The following PBX1 variants were observed in gnomAD, a reference collection of about 807,000 sequenced individuals.
PBX1 encodes PBX homeobox 1, also known as pre-B-cell leukemia transcription factor 1.
Under a neutral mutation model 53.4 loss-of-function variants are expected in PBX1, and 6 were observed. The observed-to-expected ratio is 0.11, with a 90% CI of 0.06 to 0.22. The LOEUF (loss-of-function observed/expected upper bound fraction) is 0.22. PBX1 is among the 10% of genes least tolerant of loss of function. PBX1 has a pLI of 1.00. For missense variants in PBX1, 251 were observed against 551.4 expected, an observed-to-expected ratio of 0.46 and a Z score of 5.46; for synonymous variants, 204 against 212.3, an observed-to-expected ratio of 0.96 and a Z score of 0.34.
chr1:164,604,242 A>G (rs1048459083), intron 2 of PBX1, among the ~76,000 whole-genome samples: 7 of 152,176 alleles, frequency 4.6e-5, no homozygotes, highest in African/African-American at 1.7e-4. Flanking sequence ...CGTCCGGCCT[A>G]TCATTTAATT....
At chr1:164,803,340 A>G (rs1558017560) in intron 4 of PBX1, among the ~76,000 whole-genome samples, 1 of 152,238 alleles carries the variant, frequency 6.6e-6, no homozygotes, top group Non-Finnish European at 1.5e-5. Flanking sequence ...GAGAGGGCCT[A>G]AAATACTGAG....
intron 2 of PBX1, among the ~76,000 whole-genome samples, chr1:164,717,704 T>C (rs1664180266): frequency 6.6e-6 from 1 of 152,164 alleles, no homozygotes; most frequent in African/African-American, 2.4e-5. Flanking sequence ...TCATCTAGTC[T>C]TACCTGGAAA....
At chr1:164,755,601 T>G (rs1013194418) in intron 2 of PBX1, among the ~76,000 whole-genome samples, 10 of 151,936 alleles carry the variant, frequency 6.6e-5, no homozygotes, top group African/African-American at 2.2e-4. Flanking sequence ...AGCACGATAA[T>G]AAGTAGAAGC....
At chr1:164,761,916 T>A (rs553160291) in intron 2 of PBX1, among the ~76,000 whole-genome samples, 1 of 152,296 alleles carries the variant, frequency 6.6e-6, no homozygotes, top group South Asian at 2.1e-4. Flanking sequence ...GGGTGACTAA[T>A]TCAAATATCT....
At chr1:164,623,722 G>A (rs953285432) in intron 2 of PBX1, among the ~76,000 whole-genome samples, 2 of 152,130 alleles carry the variant, frequency 1.3e-5, no homozygotes, top group African/African-American at 2.4e-5. Context: ...GTGCTTCTTG[G>A]TTCCTGCAGA....
intron 2 of PBX1, among the ~76,000 whole-genome samples, chr1:164,870,266 C>CTTCCTTCCTTCCTTCTTTCT (rs71097553): frequency 2.2e-5 from 1 of 45,208 alleles, no homozygotes; most frequent in Non-Finnish European, 4.8e-5. Flanking sequence ...TCCTTCCTTC[C>CTTCCTTCCTTCCTTCTTTCT]TTCTTTCTTT....
intron 3 of PBX1, among the ~76,000 whole-genome samples, chr1:164,795,935 T>A (rs955800649): frequency 6.6e-6 from 1 of 151,962 alleles, no homozygotes. Flanking sequence ...CTCACCCTTA[T>A]CCCTCCAAAA....
At chr1:164,582,873 A>G (rs1654713181) in intron 2 of PBX1, among the ~76,000 whole-genome samples, 1 of 152,208 alleles carries the variant, frequency 6.6e-6, no homozygotes, top group Admixed American at 6.5e-5. Flanking sequence ...TTGGTTTACT[A>G]TGTAATTCTC....
chr1:164,591,451 C>T (rs923574218), intron 2 of PBX1, among the ~76,000 whole-genome samples: 2 of 152,110 alleles, frequency 1.3e-5, no homozygotes, highest in Non-Finnish European at 2.9e-5. Flanking sequence ...CCTTTTCACC[C>T]ATGAAAAAAG....
chr1:164,612,433 A>G (rs915076047), intron 2 of PBX1, among the ~76,000 whole-genome samples: 2 of 152,140 alleles, frequency 1.3e-5, no homozygotes, highest in African/African-American at 4.8e-5. Context: ...CTTCTAGGCT[A>G]GCGTTTAGCC....
intron 2 of PBX1, among the ~76,000 whole-genome samples, chr1:164,599,136 C>T (rs1365333927): frequency 7.0e-6 from 1 of 143,128 alleles, no homozygotes; most frequent in Non-Finnish European, 1.5e-5. Context: ...GATTTTGCCC[C>T]TCTTTTCATT....
chr1:164,567,895 C>T (rs1024518784), intron 2 of PBX1, among the ~76,000 whole-genome samples: 11 of 151,962 alleles, frequency 7.2e-5, no homozygotes, highest in African/African-American at 2.4e-4. Context: ...GATTTATAAG[C>T]GGGGAAACAT....
At chr1:164,786,718 T>TGTGTGTGCGC (rs1391268022) in intron 2 of PBX1, among the ~76,000 whole-genome samples, 69 of 100,076 alleles carry the variant, frequency 6.9e-4, no homozygotes, top group African/African-American at 3.0e-3. Flanking sequence ...TGTGTGTGTG[T>TGTGTGTGCGC]GTGCGCGCGC....
rs1553244687 is a variant in PBX1, at chr1:164,776,978, A to AGAGAGAGG, written c.266-15515_266-15514insAGAGAGGG. 1.3e-4 allele frequency among the ~76,000 whole-genome samples: 6 copies of AGAGAGAGG among 46,444 alleles called. 1 individual carries two copies. The highest frequency in any genetic ancestry group is 7.2e-4 in the African/African-American group (6 of 8,282). 30.5% of individuals were successfully genotyped at this position (46,444 alleles called of 152,430 possible). On this transcript the variant is annotated intron_variant, in intron 2 of 8. Transcript: ENST00000420696. ...GAGAGAGAGAGAGAGAGAGAGAGAG[A>AGAGAGAGG]GGAGGTGTGGGGGGGCGGGGGGCTG...
chr1:164,648,750 G>C (rs1420850074), intron 2 of PBX1, among the ~76,000 whole-genome samples: 2 of 152,164 alleles, frequency 1.3e-5, no homozygotes, highest in African/African-American at 2.4e-5. Context: ...TTTTCAGATA[G>C]GAGAGAAAAC....
intron 8 of PBX1, among the ~76,000 whole-genome samples, chr1:164,839,390 AC>A (rs1258874590): frequency 6.6e-6 from 1 of 152,240 alleles, no homozygotes; most frequent in East Asian, 1.9e-4. Context: ...CTAAGTGATT[AC>A]AGCCAAAAAC....
chr1:164,816,462 A>T (rs1407909450), intron 6 of PBX1: 1 of 152,258 alleles, frequency 6.6e-6, no homozygotes, highest in South Asian at 2.1e-4. Flanking sequence ...CTTCATTAAA[A>T]TACTGTAAGG....
chr1:164,583,512 T>C (rs990374297), intron 2 of PBX1, among the ~76,000 whole-genome samples: 10 of 152,108 alleles, frequency 6.6e-5, no homozygotes, highest in African/African-American at 1.9e-4. Flanking sequence ...GGAGACACTG[T>C]TCCATTTTTC....
At chr1:164,868,751 G>A (rs549481547) in intron 2 of PBX1, among the ~76,000 whole-genome samples, 1 of 152,298 alleles carries the variant, frequency 6.6e-6, no homozygotes, top group South Asian at 2.1e-4. Flanking sequence ...CAGTCTGCGA[G>A]CCTGGCATCT....
Sources: allele counts gnomAD v4.1 joint callset (sites outside exome capture counted in the v4.1 genomes callset), GRCh38; gene constraint gnomAD v4.1.1; transcripts MANE v1.5; gene names NCBI Gene and HGNC (gene_info 2026-07-23, HGNC 2026-07-21).